Variants in CCM2 observed in about 807,000 individuals in gnomAD.
The protein encoded by CCM2 is CCM2 scaffold protein.
In CCM2, 25 loss-of-function variants were observed where a neutral mutation model predicts 44.9. The observed-to-expected ratio is 0.56, with a 90% CI of 0.41 to 0.78. The LOEUF is 0.78. Ranked by LOEUF, CCM2 falls within the 30% of genes least tolerant of loss-of-function variation. CCM2 has a pLI of 0.00. For missense variants in CCM2, 481 were observed against 580.6 expected (o/e 0.83, Z 1.76); for synonymous variants, 219 against 241.1 (o/e 0.91, Z 0.85).
intron 2 of CCM2, among the ~76,000 whole-genome samples, chr7:45,051,962 C>T (rs181969531): frequency 2.0e-5 from 3 of 152,360 alleles, no homozygotes; most frequent in Admixed American, 6.5e-5. Flanking sequence ...GCCTCGGCCT[C>T]CCAAAGTGCT....
At chr7:45,004,759 G>A (rs999214824) in intron 1 of CCM2, among the ~76,000 whole-genome samples, 1 of 152,094 alleles carries the variant, frequency 6.6e-6, no homozygotes, top group Non-Finnish European at 1.5e-5. Context: ...GGTAATCCCA[G>A]CACTTTGGGA....
chr7:45,066,999 C>T (rs182098806), intron 4 of CCM2, among the ~76,000 whole-genome samples: 1 of 151,040 alleles, frequency 6.6e-6, no homozygotes, highest in African/African-American at 2.4e-5. Flanking sequence ...CTCCCAGGTT[C>T]ACGCCATTCT....
chr7:45,015,331 C>T (rs370217322), intron 1 of CCM2, among the ~76,000 whole-genome samples: 2 of 152,134 alleles, frequency 1.3e-5, no homozygotes, highest in Non-Finnish European at 2.9e-5. Flanking sequence ...TCAGTCTCCC[C>T]ATAGGTTAAC....
intron 1 of CCM2, among the ~76,000 whole-genome samples, chr7:45,035,525 C>G (rs1040628577): frequency 4.6e-5 from 7 of 152,044 alleles, no homozygotes; most frequent in African/African-American, 1.7e-4. Context: ...TATGAGAGGA[C>G]TAGTTCAGGT....
intron 1 of CCM2, among the ~76,000 whole-genome samples, chr7:45,021,275 A>G (rs1176311117): frequency 2.6e-5 from 4 of 152,048 alleles, no homozygotes; most frequent in Non-Finnish European, 5.9e-5. Context: ...AAAAAAAATA[A>G]TAAATAGGCT....
intron 1 of CCM2, among the ~76,000 whole-genome samples, chr7:45,014,291 C>T (rs1205128302): frequency 2.0e-5 from 3 of 152,074 alleles, no homozygotes; most frequent in African/African-American, 4.8e-5. Context: ...AGGTGCCTGC[C>T]ACCCATACCC....
rs545401731 is a variant in CCM2, at chr7:45,049,903, A to T, written c.204+11477A>T. 1.9e-3 allele frequency among the ~76,000 whole-genome samples: 285 copies of T among 152,378 alleles called. 1 individual carries two copies. Among genetic ancestry groups the T allele is most frequent in the African/African-American group, 6.2e-3 (257 of 41,598 alleles). On this transcript the variant is annotated intron_variant, in intron 2 of 9. Transcript: ENST00000258781. ...CAACAATAAAAAATAATACAAATTT[A>T]AAAAATACAGTGTAACAACTATTTA...
At chr7:45,021,264 TAAAA>T (rs1028920363) in intron 1 of CCM2, among the ~76,000 whole-genome samples, 3 of 150,716 alleles carry the variant, frequency 2.0e-5, no homozygotes, top group African/African-American at 7.3e-5. Context: ...CTCTAAAAAA[TAAAA>T]AAAATAATAA....
intron 6 of CCM2, chr7:45,072,259 G>A (rs1225066617): frequency 3.0e-6 from 1 of 334,078 alleles, no homozygotes; most frequent in African/African-American, 2.1e-5. Context: ...ACTGGGTTCA[G>A]ATGGGGAGTC....
chr7:45,019,442 A>G (rs1486538062), intron 1 of CCM2, among the ~76,000 whole-genome samples: 1 of 152,100 alleles, frequency 6.6e-6, no homozygotes, highest in Non-Finnish European at 1.5e-5. Flanking sequence ...TAGTCCTGGA[A>G]TGTATGTTTT....
chr7:45,035,306 T>TA (rs1483210948), intron 1 of CCM2, among the ~76,000 whole-genome samples: 1 of 152,054 alleles, frequency 6.6e-6, no homozygotes, highest in Non-Finnish European at 1.5e-5. Flanking sequence ...ATTCAAATAT[T>TA]AAAAAAATAC....
intron 1 of CCM2, among the ~76,000 whole-genome samples, chr7:45,023,165 T>C (rs1345911336): frequency 1.3e-5 from 2 of 152,186 alleles, no homozygotes; most frequent in African/African-American, 2.4e-5. Context: ...TATATCACTC[T>C]GTGTGCCTTT....
At chr7:45,057,324 G>A (rs981791899) in intron 2 of CCM2, among the ~76,000 whole-genome samples, 10 of 152,154 alleles carry the variant, frequency 6.6e-5, no homozygotes, top group East Asian at 1.9e-4. Flanking sequence ...CGCCACACCC[G>A]GCTAAGTTTT....
chr7:45,046,678 G>T (rs1017477956), intron 2 of CCM2, among the ~76,000 whole-genome samples: 1 of 152,170 alleles, frequency 6.6e-6, no homozygotes, highest in Non-Finnish European at 1.5e-5. Flanking sequence ...GCAGGGCTAC[G>T]CAGAGTTCTG....
intron 1 of CCM2, among the ~76,000 whole-genome samples, chr7:45,036,205 T>G (rs1182235887): frequency 6.6e-6 from 1 of 152,162 alleles, no homozygotes. Flanking sequence ...GGTGGCAGCG[T>G]TAGTGCACTT....
At chr7:45,004,126 G>T (rs542916639) in intron 1 of CCM2, among the ~76,000 whole-genome samples, 1 of 152,312 alleles carries the variant, frequency 6.6e-6, no homozygotes, top group East Asian at 1.9e-4. Context: ...GCTGCAGTGA[G>T]TGTGATTGTG....
chr7:45,072,832 G>T, intron 7 of CCM2, 49 bp downstream of exon 7: 1 of 1,443,924 alleles, frequency 6.9e-7, no homozygotes, highest in Non-Finnish European at 9.7e-7. Context: ...CACCAAATGC[G>T]TTGTCTGGTG....
At chr7:45,051,653 C>T (rs1180451877) in intron 2 of CCM2, among the ~76,000 whole-genome samples, 1 of 152,140 alleles carries the variant, frequency 6.6e-6, no homozygotes, top group Non-Finnish European at 1.5e-5. Context: ...CTCTGCCTCC[C>T]GGGTTCATGC....
chr7:45,004,181 A>AG (rs1240545229), intron 1 of CCM2, among the ~76,000 whole-genome samples: 1 of 152,176 alleles, frequency 6.6e-6, no homozygotes, highest in Non-Finnish European at 1.5e-5. Flanking sequence ...GAAGAAAAAG[A>AG]GAAAAAAAAG....
Sources: allele counts gnomAD v4.1 joint callset (sites outside exome capture counted in the v4.1 genomes callset), GRCh38; gene constraint gnomAD v4.1.1; transcripts MANE v1.5; gene names NCBI Gene and HGNC (gene_info 2026-07-23, HGNC 2026-07-21).